Variants in EIF3H observed in about 807,000 individuals in gnomAD.
EIF3H encodes the protein eukaryotic translation initiation factor 3 subunit H, also known as eIF-3-gamma.
In EIF3H, 26 loss-of-function variants were observed where a neutral mutation model predicts 44.2. That is an observed-to-expected ratio of 0.59 (90% CI 0.43 to 0.82). EIF3H has a LOEUF of 0.82. EIF3H is among the 40% of genes least tolerant of loss of function. The pLI is 0.00. For synonymous variants in EIF3H, 166 were observed against 151.9 expected (o/e 1.09, Z -0.68); for missense variants, 359 against 432.8 (o/e 0.83, Z 1.51).
At chr8:116,743,799 A>AT (rs1563659950) in intron 1 of EIF3H, among the ~76,000 whole-genome samples, 4,792 of 85,860 alleles carry the variant, frequency 0.056, 194 homozygotes, top group Non-Finnish European at 0.082. Context: ...TATATATATA[A>AT]ACACACACAC....
chr8:116,723,485 T>C (rs1212525329), intron 2 of EIF3H, among the ~76,000 whole-genome samples: 1 of 152,142 alleles, frequency 6.6e-6, no homozygotes, highest in Admixed American at 6.5e-5. Context: ...TATGCTAGTG[T>C]TCAGGTGCCT....
intron 5 of EIF3H, among the ~76,000 whole-genome samples, chr8:116,654,657 C>T (rs903752344): frequency 1.3e-5 from 2 of 152,110 alleles, no homozygotes; most frequent in Non-Finnish European, 2.9e-5. Flanking sequence ...TGCAGTCAAA[C>T]AGTATGCTTT....
At chr8:116,703,694 T>C (rs559526607) in intron 2 of EIF3H, among the ~76,000 whole-genome samples, 94 of 152,286 alleles carry the variant, frequency 6.2e-4, no homozygotes, top group Admixed American at 1.6e-3. Flanking sequence ...TTACCTATCA[T>C]TGGAGATGGC....
chr8:116,764,888 T>A (rs1035425575), intron 1 of EIF3H, among the ~76,000 whole-genome samples: 1 of 152,160 alleles, frequency 6.6e-6, no homozygotes. Context: ...AAAGATAGGG[T>A]GCAAACTGGC....
intron 3 of EIF3H, 190 bp downstream of exon 3, chr8:116,658,623 G>C (rs1813531897): frequency 1.9e-6 from 1 of 532,152 alleles, no homozygotes; most frequent in Admixed American, 3.6e-5. Flanking sequence ...TCAGGGCTCT[G>C]ATAGCAAGAA....
At chr8:116,671,554 C>A (rs1586444626) in intron 2 of EIF3H, among the ~76,000 whole-genome samples, 4 of 152,154 alleles carry the variant, frequency 2.6e-5, no homozygotes. Flanking sequence ...TTCATGCATT[C>A]ATTCCCATGA....
chr8:116,671,001 GAAA>G, intron 2 of EIF3H, among the ~76,000 whole-genome samples: 1 of 152,314 alleles, frequency 6.6e-6, no homozygotes, highest in East Asian at 1.9e-4. Context: ...CATTACTACA[GAAA>G]GATGTCCGAA....
intron 4 of EIF3H, among the ~76,000 whole-genome samples, 184 bp downstream of exon 4, chr8:116,657,031 T>C (rs1813502016): frequency 6.6e-6 from 1 of 152,184 alleles, no homozygotes; most frequent in Admixed American, 6.6e-5. Context: ...AGATGAGATA[T>C]TCCCTAAAGA....
chr8:116,730,901 T>C (rs901131204), intron 1 of EIF3H, among the ~76,000 whole-genome samples: 5 of 152,258 alleles, frequency 3.3e-5, no homozygotes, highest in Non-Finnish European at 7.3e-5. Context: ...AAGTCAGTTA[T>C]ATTATTTTCC....
chr8:116,766,047 T>C (rs1170808353), exon 1 of EIF3H: 3 of 152,252 alleles, frequency 2.0e-5, no homozygotes, highest in South Asian at 2.1e-4. Flanking sequence ...ACGTGCTTAA[T>C]TTCTTTATGG....
At chr8:116,759,208 A>C (rs765035999), upstream of EIF3H, among the ~76,000 whole-genome samples, 16 of 152,216 alleles carry the variant, frequency 1.1e-4, no homozygotes, top group African/African-American at 3.4e-4. Flanking sequence ...ACAGAAACTA[A>C]TGTTTTTAGC....
chr8:116,676,483 G>C (rs1813849882), intron 2 of EIF3H, among the ~76,000 whole-genome samples: 1 of 152,166 alleles, frequency 6.6e-6, no homozygotes. Context: ...AAAACCATCA[G>C]ATCTCCTGAG....
intron 3 of EIF3H, among the ~76,000 whole-genome samples, chr8:116,658,069 A>T (rs1169775137): frequency 6.6e-6 from 1 of 152,254 alleles, no homozygotes; most frequent in Non-Finnish European, 1.5e-5. Context: ...AGGTCTGATG[A>T]TGCAATGTTT....
rs1815024916 is a variant in EIF3H, at chr8:116,735,753, T to C, written c.133-9581A>G. 2.0e-5 allele frequency among the ~76,000 whole-genome samples: 3 copies of C among 151,914 alleles called. No individual in the cohort carries two copies. In the South Asian group the frequency reaches 6.2e-4, roughly 31 times the overall value. ...GCTGTTGATGTATCAAGCCCCCACTTTATTACGCTCTGCAGGTATGCTTGC... is the reference window on the plus strand; with the variant it reads ...GCTGTTGATGTATCAAGCCCCCACTCTATTACGCTCTGCAGGTATGCTTGC... On this transcript the variant is annotated intron_variant, in intron 1 of 7. Coordinates refer to ENST00000521861, the MANE Select transcript of EIF3H (RefSeq NM_003756.3).
chr8:116,726,239 G>GA (rs1169033266), intron 1 of EIF3H, 67 bp from the exon 2 acceptor site: 17 of 1,489,606 alleles, frequency 1.1e-5, no homozygotes, highest in East Asian at 7.1e-5. Context: ...TTATTTCTAA[G>GA]AAAAAACAAA....
intron 2 of EIF3H, among the ~76,000 whole-genome samples, chr8:116,660,798 G>A (rs187006382): frequency 1.1e-4 from 16 of 152,288 alleles, no homozygotes; most frequent in African/African-American, 3.9e-4. Context: ...CCAGATACCA[G>A]ACACCAGACA....
At chr8:116,676,293 A>G (rs1813844943) in intron 2 of EIF3H, among the ~76,000 whole-genome samples, 1 of 152,248 alleles carries the variant, frequency 6.6e-6, no homozygotes, top group Admixed American at 6.5e-5. Flanking sequence ...ACTGCTATAA[A>G]GAACTGCCTG....
At chr8:116,750,666 C>A (rs1049365558) in intron 1 of EIF3H, among the ~76,000 whole-genome samples, 6 of 151,758 alleles carry the variant, frequency 4.0e-5, no homozygotes, top group Non-Finnish European at 7.4e-5. Context: ...CTGCCTTGGC[C>A]TCCCAAAGTG....
chr8:116,736,498 A>G (rs1815042833), intron 1 of EIF3H, among the ~76,000 whole-genome samples: 1 of 152,128 alleles, frequency 6.6e-6, no homozygotes, highest in African/African-American at 2.4e-5. Context: ...CACCTCTACT[A>G]AAAATACAAA....
Sources: gnomAD v4.1 joint callset for allele counts (sites outside exome capture counted in the v4.1 genomes callset) on GRCh38, gnomAD v4.1.1 for gene constraint, MANE v1.5 for transcripts, NCBI Gene and HGNC (gene_info 2026-07-23, HGNC 2026-07-21) for gene names.